The following MARCHF11 variants were observed in gnomAD, a reference collection of about 807,000 sequenced individuals.
MARCHF11 encodes the protein membrane associated ring-CH-type finger 11, also known as E3 ubiquitin-protein ligase MARCHF11.
MARCHF11 carries 29 observed loss-of-function variants against 37.3 expected under a neutral mutation model. That is an observed-to-expected ratio of 0.78 (90% CI 0.58 to 1.06). The LOEUF (loss-of-function observed/expected upper bound fraction) is 1.06. Ranked by LOEUF, MARCHF11 falls within the 50% of genes least tolerant of loss-of-function variation. The pLI, the probability that MARCHF11 is intolerant of heterozygous loss-of-function variation, is 0.00. For synonymous variants in MARCHF11, 233 were observed against 228.0 expected (o/e 1.02, Z -0.20); for missense variants, 482 against 533.4 (o/e 0.90, Z 0.95).
chr5:16,068,215 T>C (rs1478524600), intron 3 of MARCHF11, among the ~76,000 whole-genome samples: 1 of 152,202 alleles, frequency 6.6e-6, no homozygotes, highest in Non-Finnish European at 1.5e-5. Context: ...CAGATGTTAA[T>C]GTCATTACAG....
intron 2 of MARCHF11, among the ~76,000 whole-genome samples, chr5:16,106,269 T>C (rs972657138): frequency 2.0e-5 from 3 of 152,162 alleles, no homozygotes; most frequent in African/African-American, 4.8e-5. Flanking sequence ...AATAAGCCTA[T>C]GTCTACCAAC....
At chr5:16,171,147 C>T (rs1342992617) in intron 2 of MARCHF11, among the ~76,000 whole-genome samples, 2 of 151,756 alleles carry the variant, frequency 1.3e-5, no homozygotes, top group Non-Finnish European at 2.9e-5. Flanking sequence ...GGTACATGTG[C>T]ACATTGTGCA....
intron 2 of MARCHF11, among the ~76,000 whole-genome samples, chr5:16,091,396 G>A (rs1185846225): frequency 6.6e-6 from 1 of 152,152 alleles, no homozygotes. Context: ...TATCTTTCAT[G>A]CATGCACGAA....
At chr5:16,139,666 A>G (rs1042526503) in intron 2 of MARCHF11, among the ~76,000 whole-genome samples, 2 of 152,230 alleles carry the variant, frequency 1.3e-5, no homozygotes, top group Admixed American at 6.5e-5. Flanking sequence ...TGTAGAGAGT[A>G]TAATTCACAA....
chr5:16,160,395 T>C (rs1453505527), intron 2 of MARCHF11, among the ~76,000 whole-genome samples: 1 of 145,318 alleles, frequency 6.9e-6, no homozygotes, highest in African/African-American at 2.5e-5. Context: ...ATATAATATA[T>C]ATTTATATAA....
At chr5:16,176,569 T>C (rs921561565) in intron 2 of MARCHF11, among the ~76,000 whole-genome samples, 1 of 152,214 alleles carries the variant, frequency 6.6e-6, no homozygotes, top group Non-Finnish European at 1.5e-5. Flanking sequence ...GCTTGAGAAA[T>C]ACATATTTTC....
chr5:16,128,824 T>TC (rs1375914575), intron 2 of MARCHF11, among the ~76,000 whole-genome samples: 2 of 152,186 alleles, frequency 1.3e-5, no homozygotes, highest in Non-Finnish European at 2.9e-5. Context: ...TAAAATGTAT[T>TC]CAATATTCAA....
At chr5:16,116,979 G>A (rs938809085) in intron 2 of MARCHF11, among the ~76,000 whole-genome samples, 4 of 152,120 alleles carry the variant, frequency 2.6e-5, no homozygotes, top group African/African-American at 9.7e-5. Flanking sequence ...TAATGGGAGG[G>A]AATTTAACAC....
At chr5:16,165,596 T>C (rs1402874587) in intron 2 of MARCHF11, among the ~76,000 whole-genome samples, 1 of 152,074 alleles carries the variant, frequency 6.6e-6, no homozygotes, top group African/African-American at 2.4e-5. Context: ...TTGTAAATTG[T>C]CCCCAATTTG....
At chr5:16,068,322 A>T (rs894915958) in intron 3 of MARCHF11, among the ~76,000 whole-genome samples, 4 of 152,242 alleles carry the variant, frequency 2.6e-5, no homozygotes, top group African/African-American at 9.6e-5. Flanking sequence ...CAACAATTCA[A>T]CAAAAATGTA....
intron 2 of MARCHF11, among the ~76,000 whole-genome samples, chr5:16,171,461 A>G: frequency 6.6e-6 from 1 of 152,184 alleles, no homozygotes; most frequent in Non-Finnish European, 1.5e-5. Flanking sequence ...CCAGCTCGCT[A>G]CCTGTTTTTG....
At chr5:16,145,430 T>C (rs928733916) in intron 2 of MARCHF11, among the ~76,000 whole-genome samples, 1 of 152,180 alleles carries the variant, frequency 6.6e-6, no homozygotes, top group Non-Finnish European at 1.5e-5. Flanking sequence ...GTCACCATTT[T>C]AGAATCAGAG....
chr5:16,082,016 T>C (rs751716446), intron 3 of MARCHF11, among the ~76,000 whole-genome samples: 3 of 152,192 alleles, frequency 2.0e-5, no homozygotes, highest in Non-Finnish European at 4.4e-5. Context: ...ATCAGTATGA[T>C]TAAGGCATAG....
chr5:16,094,422 GGA>G (rs537135055), intron 2 of MARCHF11, among the ~76,000 whole-genome samples: 85 of 152,250 alleles, frequency 5.6e-4, no homozygotes, highest in African/African-American at 1.9e-3. Context: ...CCAAAGGCCA[GGA>G]TTTAAGTTTG....
chr5:16,104,045 CTT>C, intron 2 of MARCHF11, among the ~76,000 whole-genome samples: 1 of 152,284 alleles, frequency 6.6e-6, no homozygotes, highest in Non-Finnish European at 1.5e-5. Context: ...CACTAAATAT[CTT>C]TGTGTCATGG....
chr5:16,161,610 A>G (rs1215441882), intron 2 of MARCHF11, among the ~76,000 whole-genome samples: 2 of 151,984 alleles, frequency 1.3e-5, no homozygotes, highest in Non-Finnish European at 2.9e-5. Flanking sequence ...TGTCAATGGC[A>G]AAGATTCAAA....
intron 3 of MARCHF11, among the ~76,000 whole-genome samples, chr5:16,082,540 T>C (rs1736629409): frequency 6.6e-6 from 1 of 152,144 alleles, no homozygotes; most frequent in South Asian, 2.1e-4. Flanking sequence ...AATGTTCCTG[T>C]CCTTCCTGCA....
chr5:16,162,019 G>A (rs11960005), intron 2 of MARCHF11, among the ~76,000 whole-genome samples: 4,494 of 151,948 alleles, frequency 0.03, 186 homozygotes, highest in African/African-American at 0.089. Flanking sequence ...TATAAAAATC[G>A]ATATTAAAAA....
intron 2 of MARCHF11, among the ~76,000 whole-genome samples, chr5:16,153,171 C>T (rs1283306383): frequency 1.3e-5 from 2 of 151,870 alleles, no homozygotes; most frequent in African/African-American, 4.8e-5. Flanking sequence ...GGTAATGTGA[C>T]GTGATCAGAA....
Sources: gnomAD v4.1 joint callset for allele counts (sites outside exome capture counted in the v4.1 genomes callset) on GRCh38, gnomAD v4.1.1 for gene constraint, MANE v1.5 for transcripts, NCBI Gene and HGNC (gene_info 2026-07-23, HGNC 2026-07-21) for gene names.